Variants in MOBP observed in about 807,000 individuals in gnomAD.
MOBP encodes myelin-associated oligodendrocyte basic protein.
Under a neutral mutation model 15.0 loss-of-function variants are expected in MOBP, and 5 were observed. The ratio of observed to expected loss-of-function variants is 0.33; its 90% CI spans 0.17 to 0.70. MOBP has a LOEUF of 0.70. Among genes scored for constraint, MOBP ranks in the 30% least tolerant of loss-of-function variants. MOBP has a pLI of 0.67. For synonymous variants in MOBP, 88 were observed against 99.0 expected (o/e 0.89, Z 0.66); for missense variants, 188 against 257.8 (o/e 0.73, Z 1.85).
intron 2 of MOBP, among the ~76,000 whole-genome samples, chr3:39,496,932 G>A (rs2042896014): frequency 6.6e-6 from 1 of 152,074 alleles, no homozygotes; most frequent in Admixed American, 6.5e-5. Flanking sequence ...CAAAGTGTTG[G>A]GATTACAGGC....
intron 1 of MOBP, among the ~76,000 whole-genome samples, chr3:39,469,257 TGTGTG>T (rs2042430469): frequency 7.0e-6 from 1 of 143,544 alleles, no homozygotes; most frequent in Admixed American, 7.2e-5. Context: ...TACATATATG[TGTGTG>T]TATATGTATA....
intron 2 of MOBP, among the ~76,000 whole-genome samples, chr3:39,490,782 C>T (rs575654106): frequency 2.0e-5 from 3 of 152,232 alleles, no homozygotes; most frequent in Non-Finnish European, 2.9e-5. Flanking sequence ...AGGCTGGTCT[C>T]GAACGCTTGA....
At position 39,502,548 on chromosome 3, in the gene MOBP, G is replaced by A; in HGVS notation, c.220G>A (p.Ala74Thr). The change falls in exon 4 of 4, where the codon GCC becomes ACC. Residue 74 changes from alanine to threonine, a missense_variant. Coordinates refer to ENST00000684792, the MANE Select transcript of MOBP (RefSeq NM_001393704.1). This position sits in a 1 kb window ranked among gnomAD's most constrained non-coding sequence, Gnocchi z 6.3. ...TGGCCCTCTCAGAACCAGCCGCCGT[G>A]CCAAGTCCCCTCAGAGGCCCAAGCA... ...ACQKTRTSRR[A>T]KSPQRPKQQP... 1.9e-6 allele frequency: 3 copies of A among 1,579,528 alleles called. No homozygotes were observed. The highest frequency in any genetic ancestry group is 2.6e-6 in the Non-Finnish European group (3 of 1,171,530).
At position 39,502,538 on chromosome 3, in the gene MOBP, C is replaced by A. The variant is rs1252865772; in HGVS notation, c.210C>A (p.Thr70=). ...WICCACQKTR[T]SRRAKSPQRP... is the part of the protein sequence containing the mutation. ...CAGCTTCTTTTGGCCCTCTCAGAAC[C>A]AGCCGCCGTGCCAAGTCCCCTCAGA... The change falls in exon 4 of 4, where the codon ACC becomes ACA. Residue 70 remains threonine (T), a synonymous_variant. Transcript: ENST00000684792. This position sits in a 1 kb window ranked among gnomAD's most constrained non-coding sequence, Gnocchi z 6.3. The A allele has an allele frequency of 1.3e-6, 2 of 1,577,392 alleles. No homozygotes were observed. The highest frequency in any genetic ancestry group is 3.5e-5 in the Admixed American group (2 of 56,846).
chr3:39,504,525 A>T (rs1437903973), downstream of MOBP, among the ~76,000 whole-genome samples: 6 of 22,262 alleles, frequency 2.7e-4, no homozygotes. Context: ...TTCAGTGGGT[A>T]TCAGAAGGTG....
intron 2 of MOBP, among the ~76,000 whole-genome samples, chr3:39,481,426 C>T (rs2042626335): frequency 6.6e-6 from 1 of 152,232 alleles, no homozygotes. Flanking sequence ...ATGTGCTCTG[C>T]ACTCTAGCTC....
downstream of MOBP, chr3:39,525,243 C>G (rs2043310130): frequency 6.6e-6 from 1 of 152,064 alleles, no homozygotes; most frequent in African/African-American, 2.4e-5. Flanking sequence ...GTTGAAAAGC[C>G]TGGGGGTATA....
At chr3:39,491,306 C>A (rs1280890080) in intron 2 of MOBP, among the ~76,000 whole-genome samples, 1 of 152,004 alleles carries the variant, frequency 6.6e-6, no homozygotes, top group African/African-American at 2.4e-5. Context: ...ATAAATTGTG[C>A]CAATTCTTTT....
intron 2 of MOBP, among the ~76,000 whole-genome samples, chr3:39,493,320 G>T (rs1383616945): frequency 6.6e-6 from 1 of 152,084 alleles, no homozygotes; most frequent in African/African-American, 2.4e-5. Flanking sequence ...AAATGTGTAT[G>T]TAATGATTAA....
chr3:39,524,259 T>C (rs929714972), exon 4 of MOBP: 5 of 152,210 alleles, frequency 3.3e-5, no homozygotes, highest in Non-Finnish European at 7.3e-5. Context: ...GAAGATGTCA[T>C]CCCATTGTCT....
At chr3:39,474,822 GT>G (rs2042522969) in intron 1 of MOBP, among the ~76,000 whole-genome samples, 1 of 152,164 alleles carries the variant, frequency 6.6e-6, no homozygotes. Context: ...TCAAGATCCA[GT>G]TTTTACTTCT....
intron 2 of MOBP, chr3:39,499,757 C>T (rs544261154): frequency 6.6e-6 from 2 of 304,324 alleles, no homozygotes; most frequent in Admixed American, 9.0e-5. Context: ...GGGCTAGACA[C>T]TTCACCTGCC....
At chr3:39,478,052 T>C (rs1394326585) in intron 1 of MOBP, among the ~76,000 whole-genome samples, 1 of 152,084 alleles carries the variant, frequency 6.6e-6, no homozygotes, top group East Asian at 1.9e-4. Flanking sequence ...TAAAAAATAA[T>C]TCTAGTGTAG....
intron 1 of MOBP, among the ~76,000 whole-genome samples, chr3:39,475,504 A>G (rs1000173231): frequency 6.6e-6 from 1 of 152,140 alleles, no homozygotes; most frequent in Non-Finnish European, 1.5e-5. Flanking sequence ...TGGTACTCTA[A>G]TAGTGATTTT....
chr3:39,518,771 T>C (rs1203006960), downstream of MOBP, among the ~76,000 whole-genome samples: 1 of 152,242 alleles, frequency 6.6e-6, no homozygotes, highest in Admixed American at 6.5e-5. Context: ...AATTCAATCA[T>C]GTTTACATGC....
At chr3:39,491,294 T>A (rs2042791535) in intron 2 of MOBP, among the ~76,000 whole-genome samples, 1 of 152,196 alleles carries the variant, frequency 6.6e-6, no homozygotes, top group Non-Finnish European at 1.5e-5. Flanking sequence ...CACCGGTCAC[T>A]CATAAATTGT....
chr3:39,503,260 G>A (rs1287340159), downstream of MOBP, among the ~76,000 whole-genome samples: 2 of 36,006 alleles, frequency 5.6e-5, no homozygotes, highest in Non-Finnish European at 9.2e-5. Context: ...GTAATCCATT[G>A]GACCCATCCA....
intron 4 of MOBP, among the ~76,000 whole-genome samples, chr3:39,509,619 C>T (rs1407357074): frequency 6.6e-6 from 1 of 152,048 alleles, no homozygotes; most frequent in Non-Finnish European, 1.5e-5. Flanking sequence ...CATTTATAAA[C>T]AATATGTTTT....
At chr3:39,481,806 G>A (rs890016602) in intron 2 of MOBP, among the ~76,000 whole-genome samples, 3 of 152,158 alleles carry the variant, frequency 2.0e-5, no homozygotes, top group Non-Finnish European at 4.4e-5. Flanking sequence ...AACTGTACTC[G>A]AGTAGTCCTC....
Sources: gnomAD v4.1 joint callset for allele counts (sites outside exome capture counted in the v4.1 genomes callset) on GRCh38, gnomAD v4.1.1 for gene constraint, Gnocchi (gnomAD v3.1) non-coding constraint, MANE v1.5 for transcripts, NCBI Gene and HGNC (gene_info 2026-07-23, HGNC 2026-07-21) for gene names.